The following KRT2 variants were observed in gnomAD, a reference collection of about 807,000 sequenced individuals.
KRT2 encodes keratin 2, also known as keratin, type II cytoskeletal 2 epidermal.
In KRT2, 37 loss-of-function variants were observed where a neutral mutation model predicts 48.5. The ratio of observed to expected loss-of-function variants is 0.76; its 90% CI spans 0.59 to 1.00. The LOEUF (loss-of-function observed/expected upper bound fraction) is 1.00. KRT2 is among the 50% of genes least tolerant of loss of function. KRT2 has a pLI of 0.00. For synonymous variants in KRT2, 324 were observed against 312.2 expected (o/e 1.04, Z -0.40); for missense variants, 880 against 815.2 (o/e 1.08, Z -0.97).
At chr12:52,647,010 G>A in intron 6 of KRT2, 50 bp from the exon 7 acceptor site, 5 of 1,550,526 alleles carry the variant, frequency 3.2e-6, no homozygotes, top group Non-Finnish European at 4.4e-6. Context: ...GGCGGACAGA[G>A]AGCAGAGGTG....
chr12:52,648,371 C>T, intron 4 of KRT2, 34 bp from the exon 5 acceptor site: 1 of 1,597,532 alleles, frequency 6.3e-7, no homozygotes, highest in Non-Finnish European at 8.6e-7. Flanking sequence ...TCATGACATC[C>T]TGCCATAGCT....
intron 7 of KRT2, 55 bp from the exon 8 acceptor site, chr12:52,645,624 A>C: frequency 6.3e-7 from 1 of 1,581,402 alleles, no homozygotes; most frequent in East Asian, 2.2e-5. Context: ...TTCTGTATGC[A>C]TGTTGTTTTA....
In KRT2 at chr12:52,649,111, A is replaced by G; in HGVS notation, c.862-9T>C. 1 of 1,573,658 alleles carries G rather than the reference A, an allele frequency of 6.4e-7. No individual in the cohort carries two copies. The highest frequency in any genetic ancestry group is 8.7e-7 in the Non-Finnish European group (1 of 1,143,422). ...TAGGCATTGTCCACGTCCTGCAAGA[A>G]AGGTTGAGGCCTCTGGTGTATGGTT... On this transcript the variant is annotated splice_polypyrimidine_tract_variant and intron_variant, in intron 3 of 8. Coordinates refer to ENST00000309680, the MANE Select transcript of KRT2 (RefSeq NM_000423.3).
chr12:52,648,077 CA>C, intron 5 of KRT2, 95 bp downstream of exon 5: 2 of 1,455,430 alleles, frequency 1.4e-6, no homozygotes, highest in Non-Finnish European at 9.7e-7. Flanking sequence ...TACCATTAAA[CA>C]AAAAACCAAT....
At chr12:52,645,629 G>A (rs1032206565) in intron 7 of KRT2, 60 bp from the exon 8 acceptor site, 3 of 1,553,092 alleles carry the variant, frequency 1.9e-6, no homozygotes, top group African/African-American at 1.4e-5. Context: ...TATGCATGTT[G>A]TTTTACCACT....
At chr12:52,646,334 A>G (rs1377619141) in intron 7 of KRT2, among the ~76,000 whole-genome samples, 1 of 152,120 alleles carries the variant, frequency 6.6e-6, no homozygotes, top group African/African-American at 2.4e-5. Flanking sequence ...GCACGTCCCC[A>G]CCAGTCAGCA....
intron 7 of KRT2, among the ~76,000 whole-genome samples, chr12:52,646,257 T>C (rs371885659): frequency 1.2e-4 from 18 of 152,298 alleles, no homozygotes; most frequent in African/African-American, 4.3e-4. Flanking sequence ...CTTTGAAAGT[T>C]AGCAAATGGT....
chr12:52,646,737 C>T lies in KRT2; in HGVS notation c.1469+3G>A. On this transcript the variant is annotated splice_donor_region_variant and intron_variant, in intron 7 of 8. Coordinates refer to ENST00000309680, the MANE Select transcript of KRT2 (RefSeq NM_000423.3). ...TCCCCTTCTCCCTTCCCAGTGCCCTCACCTGCACTCCTCGCCCTCCAGCAG... is the reference window on the plus strand; with the variant it reads ...TCCCCTTCTCCCTTCCCAGTGCCCTTACCTGCACTCCTCGCCCTCCAGCAG... The T allele has an allele frequency of 6.2e-7, 1 of 1,614,050 alleles. No individual in the cohort carries two copies. The highest frequency in any genetic ancestry group is 8.5e-7 in the Non-Finnish European group (1 of 1,179,946).
Position 52,644,771 on chromosome 12 carries a change from G to A in KRT2, c.*248C>T, listed in dbSNP as rs539170994. 4.5e-4 allele frequency: 256 copies of A among 565,042 alleles called. 1 individual carries two copies. Among genetic ancestry groups the A allele is most frequent in the Non-Finnish European group, 7.1e-4 (225 of 317,548 alleles). 35.0% of individuals were successfully genotyped at this position (565,042 alleles called of 1,614,324 possible). On this transcript the variant is annotated 3_prime_UTR_variant, in exon 9 of 9. Transcript: ENST00000309680. Reference sequence around the variant, plus strand: ...CATGGTGGGGGCGGGAATGGGCATGGCTAGAAGCACAAACCTAGACAGCAC... The same window carrying A: ...CATGGTGGGGGCGGGAATGGGCATGACTAGAAGCACAAACCTAGACAGCAC...
chr12:52,644,977 A>G lies in KRT2; in HGVS notation c.*42T>C, dbSNP rs2232563. ...ACAGGCTTCTACATTCTGGAGTGGGAGAGTCTGGGTTGGGAGAGTCGGTGG... is the reference window on the plus strand; with the variant it reads ...ACAGGCTTCTACATTCTGGAGTGGGGGAGTCTGGGTTGGGAGAGTCGGTGG... On this transcript the variant is annotated 3_prime_UTR_variant, in exon 9 of 9. Coordinates refer to ENST00000309680, the MANE Select transcript of KRT2 (RefSeq NM_000423.3). 2,045 of 1,608,950 alleles carry G rather than the reference A, an allele frequency of 1.3e-3. 40 individuals are homozygous for G. The East Asian group carries it at 0.039, about 31-fold the overall frequency.
chr12:52,645,428 G>T lies in KRT2; in HGVS notation c.1511C>A (p.Thr504Lys). 6.2e-7 allele frequency: 1 copy of T among 1,614,188 alleles called. No homozygotes were observed. Among genetic ancestry groups the T allele is most frequent in the Non-Finnish European group, 8.5e-7 (1 of 1,180,036 alleles). Residue 504 changes from threonine to lysine, a missense_variant, in exon 9 of 9, where the codon ACA (threonine) becomes AAA (lysine). Coordinates refer to ENST00000309680, the MANE Select transcript of KRT2 (RefSeq NM_000423.3). ...CACATTTGATGAAATGGTGCTGCTTGTCACAGCTGCAGAGAGAGGTGGTGT... is the reference window on the plus strand; with the variant it reads ...CACATTTGATGAAATGGTGCTGCTTTTCACAGCTGCAGAGAGAGGTGGTGT... Reference protein sequence around the residue: ...DLSSNVTVSVTSSTISSNVAS... With the variant: ...DLSSNVTVSVKSSTISSNVAS...
At position 52,646,885 on chromosome 12, in the gene KRT2, A is replaced by T; in HGVS notation, c.1324T>A (p.Leu442Met). The T allele has an allele frequency of 4.3e-6, 7 of 1,613,922 alleles. No individual in the cohort carries two copies. Among genetic ancestry groups the T allele is most frequent in the Non-Finnish European group, 5.9e-6 (7 of 1,179,952 alleles). ...TGCAGGGCCTCCTCCAGGTCATTCA[A>T]CTTGTTCCTGGCATCCTTGAGGGCA... is the stretch of plus-strand genomic sequence containing the variant. ...EHALKDARNKLNDLEEALQQA... is the reference protein window; with the variant it reads ...EHALKDARNKMNDLEEALQQA... The change falls in exon 7 of 9, where the codon TTG becomes ATG. Residue 442 changes from leucine to methionine, a missense_variant. Coordinates refer to ENST00000309680, the MANE Select transcript of KRT2 (RefSeq NM_000423.3).
intron 7 of KRT2, 133 bp from the exon 8 acceptor site, chr12:52,645,702 TC>T: frequency 1.2e-6 from 1 of 824,312 alleles, no homozygotes; most frequent in Non-Finnish European, 2.1e-6. Flanking sequence ...CACCCCACTT[TC>T]TTCTATGCTG....
chr12:52,649,736 T>A (rs944576517), intron 3 of KRT2, among the ~76,000 whole-genome samples, 178 bp downstream of exon 3: 2 of 152,226 alleles, frequency 1.3e-5, no homozygotes, highest in African/African-American at 4.8e-5. Context: ...GAAAACTGTA[T>A]CCAGAAGCTT....
At chr12:52,647,087 A>G (rs1210393936) in intron 6 of KRT2, 127 bp from the exon 7 acceptor site, 2 of 830,678 alleles carry the variant, frequency 2.4e-6, no homozygotes, top group Non-Finnish European at 4.0e-6. Flanking sequence ...GTTTAGTCGC[A>G]AACAACTGTG....
chr12:52,645,373 T>A lies in KRT2; in HGVS notation c.1566A>T (p.Gly522=), dbSNP rs1255225540. Reference sequence around the variant, plus strand: ...CTCCTCCGGAACTGGACCCTCTACCTCCAGAACCTCCAAAGGCAGCCTTGG... The same window carrying A: ...CTCCTCCGGAACTGGACCCTCTACCACCAGAACCTCCAAAGGCAGCCTTGG... ...VASKAAFGGS[G]GRGSSSGGGY... The change falls in exon 9 of 9, where the codon GGA becomes GGT. Residue 522 remains glycine, a synonymous_variant. Transcript: ENST00000309680. 33 of 1,614,018 alleles carry A rather than the reference T, an allele frequency of 2.0e-5. No individual in the cohort carries two copies. Among genetic ancestry groups the A allele is most frequent in the Non-Finnish European group, 2.8e-5 (33 of 1,180,024 alleles).
At chr12:52,645,590 A>C in intron 7 of KRT2, 21 bp from the exon 8 acceptor site, 1 of 1,613,710 alleles carries the variant, frequency 6.2e-7, no homozygotes, top group Non-Finnish European at 8.5e-7. Context: ...GAGAGAAAAA[A>C]CAAGTTGTGG....
chr12:52,647,345 A>C (rs373132800), intron 6 of KRT2, among the ~76,000 whole-genome samples: 42 of 152,312 alleles, frequency 2.8e-4, no homozygotes, highest in African/African-American at 9.6e-4. Context: ...AGCTGCCCTC[A>C]ATACTCACTG....
rs1319518447 is a variant in KRT2 at position 52,651,943 on chromosome 12, C to T, written c.200G>A (p.Gly67Glu). ...GFGSRSLVGL[G>E]GTKSISISVA... ...ACTAATGGAGATGCTCTTGGTCCCT[C>T]CAAGGCCAACAAGACTCCGACTGCC... Residue 67 changes from glycine to glutamate, a missense_variant, in exon 1 of 9, where the codon GGA (glycine) becomes GAA (glutamate). Transcript: ENST00000309680. 1 of 1,613,820 alleles carries T rather than the reference C, an allele frequency of 6.2e-7. No individual in the cohort carries two copies. Among genetic ancestry groups the T allele is most frequent in the African/African-American group, 1.3e-5 (1 of 74,922 alleles).
Sources: gnomAD v4.1 joint callset for allele counts (sites outside exome capture counted in the v4.1 genomes callset) on GRCh38, gnomAD v4.1.1 for gene constraint, MANE v1.5 for transcripts, NCBI Gene and HGNC (gene_info 2026-07-23, HGNC 2026-07-21) for gene names.